NME9: variants seen among roughly 807,000 people sequenced by gnomAD.
NME9 encodes the protein NME/NM23 family member 9, also known as thioredoxin domain-containing protein 6.
Under a neutral mutation model 44.4 loss-of-function variants are expected in NME9, and 48 were observed. That is an observed-to-expected ratio of 1.08 (90% CI 0.86 to 1.37). The LOEUF (loss-of-function observed/expected upper bound fraction) is 1.37. NME9 is among the 40% of genes most tolerant of loss of function. The pLI is 0.00. For missense variants in NME9, 325 were observed against 405.2 expected (o/e 0.80, Z 1.70); for synonymous variants, 139 against 147.1 (o/e 0.94, Z 0.40).
At chr3:138,261,715 A>G (rs2047762341) in exon 9 of NME9, 1 of 152,254 alleles carries the variant, frequency 6.6e-6, no homozygotes, top group African/African-American at 2.4e-5. Flanking sequence ...AATGAGAGGT[A>G]GGACAGAGTA....
intron 2 of NME9, 119 bp from the exon 3 acceptor site, chr3:138,319,700 A>G: frequency 3.1e-6 from 2 of 649,586 alleles, no homozygotes; most frequent in South Asian, 3.5e-5. Context: ...CGGGATATCT[A>G]ATGGTTAAAG....
chr3:138,312,164 A>T (rs1024149792), intron 6 of NME9, among the ~76,000 whole-genome samples: 2 of 152,182 alleles, frequency 1.3e-5, no homozygotes, highest in Non-Finnish European at 2.9e-5. Context: ...GGATTGGGAG[A>T]ATTAATATTG....
chr3:138,270,162 T>G, intron 8 of NME9: 1 of 1,445,214 alleles, frequency 6.9e-7, no homozygotes, highest in South Asian at 1.2e-5. Context: ...ATATCATAAC[T>G]TACAAAAGGA....
intron 6 of NME9, among the ~76,000 whole-genome samples, chr3:138,309,736 GAAAA>G (rs113533378): frequency 6.9e-6 from 1 of 145,666 alleles, no homozygotes; most frequent in Non-Finnish European, 1.5e-5. Flanking sequence ...TGTCTCAAAA[GAAAA>G]AAAAAAGCCA....
chr3:138,303,668 AG>A, intron 9 of NME9, 25 bp from the exon 10 acceptor site: 1 of 1,584,744 alleles, frequency 6.3e-7, no homozygotes, highest in Non-Finnish European at 8.6e-7. Flanking sequence ...AAAATGTAAA[AG>A]AAACAATTGT....
chr3:138,308,945 GAAAAAAAAAAAAA>G (rs1002890235), intron 6 of NME9, among the ~76,000 whole-genome samples: 1 of 52,886 alleles, frequency 1.9e-5, no homozygotes, highest in African/African-American at 5.1e-5. Flanking sequence ...AATACTGAAA[GAAAAAAAAAAAAA>G]AAAAAAAAAA....
At chr3:138,310,599 A>G (rs879446708) in intron 6 of NME9, among the ~76,000 whole-genome samples, 9 of 152,198 alleles carry the variant, frequency 5.9e-5, no homozygotes, top group African/African-American at 9.6e-5. Context: ...TTAGAAATCA[A>G]TAGTAAGAGG....
In NME9 at chr3:138,319,574, A is replaced by G. The variant is rs755063896; in HGVS notation, c.99T>C (p.Asp33=). The part of the protein sequence containing the change: ...MLSSKGLTVV[D]VYQGWCGPCK... The stretch of plus-strand genomic sequence containing the variant: ...AGGGGCCACACCAGCCTTGATAGAC[A>G]TCAACAACTGTGTGGAACCAAGAAG... The change falls in exon 3 of 11, where the codon GAT becomes GAC. Residue 33 remains aspartate, a synonymous_variant. Coordinates refer to ENST00000333911, the MANE Select transcript of NME9 (RefSeq NM_001349018.2). The G allele has an allele frequency of 6.3e-7, 1 of 1,598,572 alleles. No individual in the cohort carries two copies. Among genetic ancestry groups the G allele is most frequent in the East Asian group, 2.2e-5 (1 of 44,806 alleles).
chr3:138,309,416 G>A (rs1483867672), intron 6 of NME9, among the ~76,000 whole-genome samples: 1 of 152,236 alleles, frequency 6.6e-6, no homozygotes, highest in Non-Finnish European at 1.5e-5. Flanking sequence ...TGGGCACAGT[G>A]GCTCACGCCT....
intron 9 of NME9, among the ~76,000 whole-genome samples, chr3:138,304,612 G>T (rs546602346): frequency 2.0e-5 from 3 of 152,202 alleles, no homozygotes; most frequent in African/African-American, 7.2e-5. Context: ...AGAAAACAGC[G>T]ACTGAGGAAT....
exon 9 of NME9, chr3:138,262,462 CTCT>C (rs1427062769): frequency 5.3e-6 from 8 of 1,498,766 alleles, no homozygotes; most frequent in Non-Finnish European, 7.3e-6. Context: ...ATATTTTCTT[CTCT>C]TCTTGTTTGG....
chr3:138,282,635 CAAAAAAAAA>C (rs760470914), intron 8 of NME9, among the ~76,000 whole-genome samples: 1 of 47,512 alleles, frequency 2.1e-5, no homozygotes, highest in African/African-American at 7.0e-5. Flanking sequence ...GACTCCATCT[CAAAAAAAAA>C]AAAAAAAAAA....
At chr3:138,264,568 C>T (rs952995643) in intron 8 of NME9, among the ~76,000 whole-genome samples, 1 of 151,580 alleles carries the variant, frequency 6.6e-6, no homozygotes, top group African/African-American at 2.4e-5. Context: ...TACAGGTGCG[C>T]ACCACCACGC....
At chr3:138,292,687 A>G (rs1184748467) in intron 8 of NME9, among the ~76,000 whole-genome samples, 4 of 152,178 alleles carry the variant, frequency 2.6e-5, no homozygotes, top group Admixed American at 6.5e-5. Context: ...TTGTTTGGGT[A>G]TGCCAGCGTT....
intron 1 of NME9, among the ~76,000 whole-genome samples, chr3:138,328,652 G>A (rs928306471): frequency 6.6e-6 from 1 of 151,874 alleles, no homozygotes; most frequent in Admixed American, 6.6e-5. Context: ...CTAATTCCAG[G>A]GTCTATGCCT....
Position 138,325,381 on chromosome 3 carries a change from A to G in NME9, c.34-451T>C, listed in dbSNP as rs80136895. ...GGAGAAATACATATTGTCCCTCTTTATTAACAGTAAAAATTTCTTTTTTTT... is the reference window on the plus strand; with the variant it reads ...GGAGAAATACATATTGTCCCTCTTTGTTAACAGTAAAAATTTCTTTTTTTT... On this transcript the variant is annotated intron_variant, in intron 1 of 10. Transcript: ENST00000333911. Among the ~76,000 whole-genome samples the G allele has an allele frequency of 3.6e-4, 54 of 151,378 alleles. No homozygotes were observed. In the East Asian group the frequency reaches 5.6e-3, roughly 16 times the overall value.
chr3:138,265,274 T>G (rs1234281274), intron 8 of NME9, among the ~76,000 whole-genome samples: 1 of 152,090 alleles, frequency 6.6e-6, no homozygotes, highest in Admixed American at 6.6e-5. Context: ...CAAAAAAGGT[T>G]CAGGACAAAT....
chr3:138,303,505 A>G lies in NME9; in HGVS notation c.928+2T>C. The G allele has an allele frequency of 1.9e-6, 3 of 1,612,088 alleles. No homozygotes were observed. In the South Asian group the frequency reaches 3.3e-5, roughly 18 times the overall value. ...AAGACCAAGTCTGCCTTGATGACTT[A>G]CCCTGAGGGGCTTCTGTATCTTTGT... On this transcript the variant is annotated splice_donor_variant, in intron 10 of 10. Coordinates refer to ENST00000333911, the MANE Select transcript of NME9 (RefSeq NM_001349018.2). LOFTEE classifies it high-confidence loss of function.
At chr3:138,283,124 T>C (rs1259692396) in intron 8 of NME9, among the ~76,000 whole-genome samples, 1 of 152,234 alleles carries the variant, frequency 6.6e-6, no homozygotes, top group African/African-American at 2.4e-5. Flanking sequence ...TCATGTCTAC[T>C]GTGTCTCAGA....
Sources: allele counts gnomAD v4.1 joint callset (sites outside exome capture counted in the v4.1 genomes callset), GRCh38; gene constraint gnomAD v4.1.1; transcripts MANE v1.5; gene names NCBI Gene and HGNC (gene_info 2026-07-23, HGNC 2026-07-21).